ARHGAP12: variants seen among roughly 807,000 people sequenced by gnomAD.
The protein encoded by ARHGAP12 is Rho GTPase activating protein 12, also known as rho GTPase-activating protein 12.
A neutral mutation model predicts 108.6 loss-of-function variants in ARHGAP12; 64 were observed. That is an observed-to-expected ratio of 0.59 (90% CI 0.48 to 0.73). ARHGAP12 has a LOEUF of 0.73. Ranked by LOEUF, ARHGAP12 falls within the 30% of genes least tolerant of loss-of-function variation. ARHGAP12 has a pLI of 0.00. For synonymous variants in ARHGAP12, 312 were observed against 337.2 expected (o/e 0.93, Z 0.82); for missense variants, 940 against 1,005.9 (o/e 0.93, Z 0.89).
chr10:31,865,088 G>T (rs1837273807), intron 3 of ARHGAP12, among the ~76,000 whole-genome samples: 1 of 152,186 alleles, frequency 6.6e-6, no homozygotes, highest in Non-Finnish European at 1.5e-5. Flanking sequence ...AAAAGGAGCA[G>T]CAAGTGAAAG....
In ARHGAP12 at chr10:31,877,644, G is replaced by A. The variant is rs370277190; in HGVS notation, c.685-15986C>T. Among the ~76,000 whole-genome samples the A allele has an allele frequency of 4.6e-5, 7 of 152,312 alleles. No homozygotes were observed. The East Asian group carries it at 1.3e-3, about 29-fold the overall frequency. ...AGTGAAATCGTTTTCTACAAAACAA[G>A]GTTTGATCCCATTGTGTGCGTTACA... On this transcript the variant is annotated intron_variant, in intron 3 of 19. Transcript: ENST00000344936.
chr10:31,908,818 C>T lies in ARHGAP12; in HGVS notation c.38G>A (p.Gly13Glu). 6.2e-7 allele frequency: 1 copy of T among 1,602,844 alleles called. No homozygotes were observed. The highest frequency in any genetic ancestry group is 8.5e-7 in the Non-Finnish European group (1 of 1,178,324). Reference protein sequence around the residue: ...MADRSGKIIPGQVYIEVEYDY... With the variant: ...MADRSGKIIPEQVYIEVEYDY... Reference sequence around the variant, plus strand: ...ATATTCCACCTCAATATACACTTGTCCTGGAATAATCTTCCCACTTCTGTC... The same window carrying T: ...ATATTCCACCTCAATATACACTTGTTCTGGAATAATCTTCCCACTTCTGTC... Residue 13 changes from glycine (G) to glutamate (E), a missense_variant, in exon 3 of 20, where the codon GGA (glycine) becomes GAA (glutamate). Coordinates refer to ENST00000344936, the MANE Select transcript of ARHGAP12 (RefSeq NM_018287.7).
intron 3 of ARHGAP12, among the ~76,000 whole-genome samples, chr10:31,895,279 C>T (rs1838631626): frequency 6.6e-6 from 1 of 152,184 alleles, no homozygotes; most frequent in Admixed American, 6.5e-5. Flanking sequence ...AGCTTCTGCA[C>T]AGCAAAAGAA....
intron 6 of ARHGAP12, among the ~76,000 whole-genome samples, chr10:31,845,916 T>C (rs1250111138): frequency 1.3e-5 from 2 of 152,258 alleles, no homozygotes; most frequent in African/African-American, 4.8e-5. Flanking sequence ...TGATTATTTA[T>C]AATGTTAGGA....
At chr10:31,888,941 G>A (rs778180891) in intron 3 of ARHGAP12, among the ~76,000 whole-genome samples, 7 of 151,598 alleles carry the variant, frequency 4.6e-5, no homozygotes, top group Non-Finnish European at 1.0e-4. Context: ...ACAGAGTCTC[G>A]CTCTGTTGCC....
intron 3 of ARHGAP12, among the ~76,000 whole-genome samples, chr10:31,878,999 GA>G (rs1359032935): frequency 2.6e-5 from 4 of 152,178 alleles, no homozygotes; most frequent in Non-Finnish European, 5.9e-5. Flanking sequence ...AACAGAAAAT[GA>G]AATCTTCAAC....
intron 3 of ARHGAP12, among the ~76,000 whole-genome samples, chr10:31,870,277 T>C (rs1837491501): frequency 6.6e-6 from 1 of 151,498 alleles, no homozygotes; most frequent in African/African-American, 2.4e-5. Context: ...TTGCCCAGGC[T>C]GGAGTGCAAT....
intron 14 of ARHGAP12, among the ~76,000 whole-genome samples, chr10:31,813,804 C>T (rs12252004): frequency 0.052 from 7,848 of 152,224 alleles, 673 homozygotes; most frequent in African/African-American, 0.18. Context: ...GAGATAGAAA[C>T]GCTTGCATCT....
chr10:31,835,153 G>A (rs1345309184), intron 9 of ARHGAP12, among the ~76,000 whole-genome samples: 1 of 150,288 alleles, frequency 6.7e-6, no homozygotes. Flanking sequence ...AGCCGAGATC[G>A]CGCCACTGCA....
At chr10:31,827,248 G>A (rs916613873) in intron 10 of ARHGAP12, among the ~76,000 whole-genome samples, 7 of 151,968 alleles carry the variant, frequency 4.6e-5, no homozygotes, top group African/African-American at 7.3e-5. Context: ...TTATGTAAAT[G>A]TTTCTCTCTC....
In ARHGAP12 at chr10:31,908,520, C is replaced by A; in HGVS notation, c.336G>T (p.Glu112Asp). The A allele has an allele frequency of 6.2e-7, 1 of 1,614,210 alleles. No homozygotes were observed. Among genetic ancestry groups the A allele is most frequent in the Non-Finnish European group, 8.5e-7 (1 of 1,180,032 alleles). Residue 112 changes from glutamate (E) to aspartate (D), a missense_variant, in exon 3 of 20, where the codon GAG becomes GAT. Coordinates refer to ENST00000344936, the MANE Select transcript of ARHGAP12 (RefSeq NM_018287.7). ...ACGATGGCTTTCCGAAACTTGAAAGCTCAGGCAATTTGTTCACATTTTCTG... is the reference window on the plus strand; with the variant it reads ...ACGATGGCTTTCCGAAACTTGAAAGATCAGGCAATTTGTTCACATTTTCTG... ...RSTENVNKLP[E>D]LSSFGKPSSS...
At chr10:31,822,932 A>T (rs1261831023) in intron 11 of ARHGAP12, among the ~76,000 whole-genome samples, 1 of 152,206 alleles carries the variant, frequency 6.6e-6, no homozygotes, top group Non-Finnish European at 1.5e-5. Context: ...AGCCCCACCG[A>T]CAACAAATAA....
chr10:31,880,302 T>A (rs1837893246), intron 3 of ARHGAP12, among the ~76,000 whole-genome samples: 1 of 152,164 alleles, frequency 6.6e-6, no homozygotes, highest in Non-Finnish European at 1.5e-5. Flanking sequence ...TAGTTCAAGT[T>A]GGGTATTCAA....
chr10:31,854,307 A>G lies in ARHGAP12; in HGVS notation c.949-101T>C, dbSNP rs1053752089. 7.3e-5 allele frequency: 70 copies of G among 958,868 alleles called. No homozygotes were observed. The African/African-American group carries it at 1.1e-3, about 15-fold the overall frequency. 59.4% of individuals were successfully genotyped at this position (958,868 alleles called of 1,614,324 possible). A position where few individuals can be genotyped will look rare whatever the true frequency, so the allele number is the denominator to read the frequency against. ...ATTTTACTTGACTATAAGTATGAAG[A>G]TATCTTAAATATATCTGAATATTTG... On this transcript the variant is annotated intron_variant, in intron 4 of 19. Coordinates refer to ENST00000344936, the MANE Select transcript of ARHGAP12 (RefSeq NM_018287.7).
chr10:31,885,691 T>C (rs543426548), intron 3 of ARHGAP12, among the ~76,000 whole-genome samples: 14 of 151,776 alleles, frequency 9.2e-5, no homozygotes, highest in Non-Finnish European at 1.9e-4. Context: ...TGGTGGTGCA[T>C]GCCTATAAGC....
intron 9 of ARHGAP12, among the ~76,000 whole-genome samples, chr10:31,836,494 A>T (rs1836019519): frequency 6.6e-6 from 1 of 152,214 alleles, no homozygotes; most frequent in Admixed American, 6.5e-5. Flanking sequence ...AAAAGTTAAC[A>T]TGTTTAAAAT....
intron 3 of ARHGAP12, among the ~76,000 whole-genome samples, chr10:31,902,933 C>G (rs1838988697): frequency 6.6e-6 from 1 of 152,106 alleles, no homozygotes. Flanking sequence ...GAGTGGGCCT[C>G]ATCCAATCAA....
chr10:31,808,831 T>G, intron 18 of ARHGAP12, 80 bp from the exon 19 acceptor site: 1 of 1,476,802 alleles, frequency 6.8e-7, no homozygotes, highest in Non-Finnish European at 9.4e-7. Context: ...GAAGCTGATA[T>G]TTGGTAATAC....
At chr10:31,882,678 T>C (rs1370702561) in intron 3 of ARHGAP12, among the ~76,000 whole-genome samples, 1 of 151,804 alleles carries the variant, frequency 6.6e-6, no homozygotes, top group Non-Finnish European at 1.5e-5. Flanking sequence ...GTGGGCGTGG[T>C]GGCACGTGCC....
Sources: allele counts gnomAD v4.1 joint callset (sites outside exome capture counted in the v4.1 genomes callset), GRCh38; gene constraint gnomAD v4.1.1; transcripts MANE v1.5; gene names NCBI Gene and HGNC (gene_info 2026-07-23, HGNC 2026-07-21).